WIPI2: variants seen among roughly 807,000 people sequenced by gnomAD.
The protein encoded by WIPI2 is WD repeat domain phosphoinositide-interacting protein 2.
Under a neutral mutation model 52.3 loss-of-function variants are expected in WIPI2, and 28 were observed. The observed-to-expected ratio is 0.54, with a 90% CI of 0.40 to 0.73. WIPI2 has a LOEUF of 0.73. Among genes scored for constraint, WIPI2 ranks in the 30% least tolerant of loss-of-function variants. The pLI, the probability that WIPI2 is intolerant of heterozygous loss-of-function variation, is 0.00. For synonymous variants in WIPI2, 268 were observed against 245.0 expected (o/e 1.09, Z -0.88); for missense variants, 506 against 602.9 (o/e 0.84, Z 1.68).
chr7:5,208,230 G>A lies in WIPI2; in HGVS notation c.212-6305G>A, dbSNP rs550401943. 2.5e-4 allele frequency among the ~76,000 whole-genome samples: 38 copies of A among 152,190 alleles called. 1 individual carries two copies. In the South Asian group the frequency reaches 5.6e-3, roughly 22 times the overall value. On this transcript the variant is annotated intron_variant, in intron 3 of 12. Coordinates refer to ENST00000288828, the MANE Select transcript of WIPI2 (RefSeq NM_015610.4). ...ATATATCTTCCTCTGTGACATGTCT[G>A]TTCCAGTCTTTTGTTGCTTTTTAGG...
chr7:5,217,029 A>G, intron 5 of WIPI2, 61 bp from the exon 6 acceptor site: 1 of 1,477,420 alleles, frequency 6.8e-7, no homozygotes, highest in African/African-American at 1.4e-5. Flanking sequence ...ATTATGTCTG[A>G]CATCCAAGAA....
At chr7:5,190,687 G>C (rs1426172124) in intron 1 of WIPI2, 194 bp downstream of exon 1, 1 of 437,474 alleles carries the variant, frequency 2.3e-6, no homozygotes, top group African/African-American at 2.1e-5. Context: ...TCGGGTGCTG[G>C]CCTGGAGCTG....
At chr7:5,222,758 C>T (rs1007469195) in intron 8 of WIPI2, 86 bp downstream of exon 8, 5 of 1,290,876 alleles carry the variant, frequency 3.9e-6, no homozygotes, top group Non-Finnish European at 5.6e-6. Flanking sequence ...CAAGTAGAAC[C>T]CCCAGGAGAA....
rs1172684179 is a variant in WIPI2, at chr7:5,227,298, G to C, written c.967G>C (p.Val323Leu). ...CAACCAGGGCAGAGCCTTCGCCACGGTCCGCCTGCCATTCTGCGGCCACAA... is the reference window on the plus strand; with the variant it reads ...CAACCAGGGCAGAGCCTTCGCCACGCTCCGCCTGCCATTCTGCGGCCACAA... ...MFNQGRAFAT[V>L]RLPFCGHKNI... is the part of the protein sequence containing the mutation. Residue 323 changes from valine to leucine, a missense_variant, in exon 10 of 13, where the codon GTC becomes CTC. By Grantham distance (32) the Val-to-Leu change is conservative. Coordinates refer to ENST00000288828, the MANE Select transcript of WIPI2 (RefSeq NM_015610.4). This position sits in a 1 kb window ranked among gnomAD's most constrained non-coding sequence, Gnocchi z 8.1. The C allele has an allele frequency of 1.9e-6, 3 of 1,612,556 alleles. No homozygotes were observed. The highest frequency in any genetic ancestry group is 2.5e-6 in the Non-Finnish European group (3 of 1,179,986).
At chr7:5,221,835 AT>A (rs1471806231) in intron 7 of WIPI2, among the ~76,000 whole-genome samples, 1 of 152,224 alleles carries the variant, frequency 6.6e-6, no homozygotes, top group African/African-American at 2.4e-5. Flanking sequence ...TTTCCAGCTA[AT>A]CGGCTCTCTG....
chr7:5,208,293 C>T (rs1325529538), intron 3 of WIPI2, among the ~76,000 whole-genome samples: 6 of 152,164 alleles, frequency 3.9e-5, no homozygotes, highest in East Asian at 1.9e-4. Flanking sequence ...GTTGTTAGAG[C>T]TCTTTAGATA....
chr7:5,203,881 C>T (rs1226205026), intron 3 of WIPI2, among the ~76,000 whole-genome samples: 1 of 152,054 alleles, frequency 6.6e-6, no homozygotes, highest in Non-Finnish European at 1.5e-5. Flanking sequence ...CCTCAGCCTC[C>T]CAAAGTGCTG....
At chr7:5,226,455 C>T (rs1167963229) in intron 9 of WIPI2, 1 of 155,434 alleles carries the variant, frequency 6.4e-6, no homozygotes, top group African/African-American at 2.4e-5. Flanking sequence ...CTGCTGGGCT[C>T]AAGCGATCCT....
chr7:5,190,533 G>A, intron 1 of WIPI2, 40 bp downstream of exon 1: 1 of 1,452,444 alleles, frequency 6.9e-7, no homozygotes, highest in Non-Finnish European at 9.1e-7. Flanking sequence ...GGTGAGGCCA[G>A]GGTCGGACCC....
intron 3 of WIPI2, among the ~76,000 whole-genome samples, chr7:5,206,083 A>AT (rs1287896069): frequency 6.6e-6 from 1 of 151,668 alleles, no homozygotes; most frequent in Admixed American, 6.6e-5. Context: ...ATTCAAATGC[A>AT]TTGGTCTTTT....
intron 7 of WIPI2, among the ~76,000 whole-genome samples, chr7:5,219,519 G>T (rs1436213686): frequency 6.6e-6 from 1 of 152,132 alleles, no homozygotes; most frequent in Non-Finnish European, 1.5e-5. Flanking sequence ...CTCATCTGTG[G>T]AGTGAGAGCA....
rs947182735 is a variant in WIPI2, at chr7:5,216,419, G to A, written c.382-144G>A. 3.3e-5 allele frequency: 21 copies of A among 636,470 alleles called. No homozygotes were observed. In the Admixed American group the frequency reaches 3.5e-4, roughly 11 times the overall value. 39.4% of individuals were successfully genotyped at this position (636,470 alleles called of 1,614,324 possible). A position where few individuals can be genotyped will look rare whatever the true frequency, so the allele number is the denominator to read the frequency against. On this transcript the variant is annotated intron_variant, in intron 4 of 12. Transcript: ENST00000288828. ...TGCACTCCAGCCCGGGTGACACAGCGAGACACTGACTCCAAAAAAATAAAA... is the reference window on the plus strand; with the variant it reads ...TGCACTCCAGCCCGGGTGACACAGCAAGACACTGACTCCAAAAAAATAAAA...
chr7:5,198,058 G>T (rs1246748445), intron 2 of WIPI2, among the ~76,000 whole-genome samples: 1 of 152,204 alleles, frequency 6.6e-6, no homozygotes, highest in Non-Finnish European at 1.5e-5. Flanking sequence ...TCGCAGAAGC[G>T]GGTGATGAGT....
chr7:5,210,388 C>T (rs1286757827), intron 3 of WIPI2, among the ~76,000 whole-genome samples: 1 of 152,234 alleles, frequency 6.6e-6, no homozygotes, highest in Non-Finnish European at 1.5e-5. Flanking sequence ...CAGTGCTGGG[C>T]ACAGTTACCT....
At chr7:5,190,542 C>A in intron 1 of WIPI2, 49 bp downstream of exon 1, 1 of 1,427,108 alleles carries the variant, frequency 7.0e-7, no homozygotes, top group Non-Finnish European at 9.3e-7. Flanking sequence ...AGGGTCGGAC[C>A]CGGGCTAGGG....
chr7:5,214,437 G>C, intron 3 of WIPI2, 98 bp from the exon 4 acceptor site: 1 of 1,612,518 alleles, frequency 6.2e-7, no homozygotes, highest in Non-Finnish European at 8.5e-7. Flanking sequence ...TGTGCCCTGC[G>C]TGTCGCCCAG....
intron 7 of WIPI2, chr7:5,218,510 A>T (rs1214391095): frequency 6.4e-6 from 1 of 157,402 alleles, no homozygotes; most frequent in Non-Finnish European, 1.4e-5. Context: ...AAACACTTGT[A>T]ATGGCCGCGC....
At chr7:5,208,432 T>TC (rs1782397232) in intron 3 of WIPI2, among the ~76,000 whole-genome samples, 1 of 151,500 alleles carries the variant, frequency 6.6e-6, no homozygotes, top group African/African-American at 2.4e-5. Context: ...TTTTTTTTTT[T>TC]CCTTCCATTT....
intron 1 of WIPI2, among the ~76,000 whole-genome samples, chr7:5,192,666 A>G (rs1387207652): frequency 3.9e-5 from 6 of 152,240 alleles, no homozygotes; most frequent in African/African-American, 1.4e-4. Context: ...TGGAATGAAT[A>G]GTAAGCTAGG....
Sources: gnomAD v4.1 joint callset for allele counts (sites outside exome capture counted in the v4.1 genomes callset) on GRCh38, gnomAD v4.1.1 for gene constraint, Gnocchi (gnomAD v3.1) non-coding constraint, MANE v1.5 for transcripts, NCBI Gene and HGNC (gene_info 2026-07-23, HGNC 2026-07-21) for gene names.